Variants in RPS6KA2 observed in about 807,000 individuals in gnomAD.
RPS6KA2 encodes ribosomal protein S6 kinase A2.
Under a neutral mutation model 91.8 loss-of-function variants are expected in RPS6KA2, and 42 were observed. The observed-to-expected ratio is 0.46, with a 90% CI of 0.36 to 0.59. The LOEUF is 0.59. Ranked by LOEUF, RPS6KA2 falls within the 20% of genes least tolerant of loss-of-function variation. The probability of loss-of-function intolerance (pLI) is 0.00; values close to 1 mark genes in which losing one functional copy is unlikely to be tolerated. For missense variants in RPS6KA2, 798 were observed against 978.5 expected, an observed-to-expected ratio of 0.82 and a Z score of 2.46; for synonymous variants, 414 against 393.6, an observed-to-expected ratio of 1.05 and a Z score of -0.61.
At chr6:166,670,659 A>G (rs540954832) in intron 2 of RPS6KA2, among the ~76,000 whole-genome samples, 1 of 152,286 alleles carries the variant, frequency 6.6e-6, no homozygotes, top group Non-Finnish European at 1.5e-5. Context: ...TTTGCATAAC[A>G]TTCAAGAATA....
At chr6:166,818,945 C>G (rs564443674) in intron 2 of RPS6KA2, among the ~76,000 whole-genome samples, 2 of 151,998 alleles carry the variant, frequency 1.3e-5, no homozygotes, top group Non-Finnish European at 2.9e-5. Flanking sequence ...AAGGATGCTC[C>G]CTGGCTCCCT....
intron 1 of RPS6KA2, among the ~76,000 whole-genome samples, chr6:166,547,778 C>G (rs1239340801): frequency 1.3e-5 from 2 of 152,218 alleles, no homozygotes; most frequent in Non-Finnish European, 2.9e-5. Flanking sequence ...GTAACTGAGT[C>G]CGTGTTTTAG....
intron 1 of RPS6KA2, among the ~76,000 whole-genome samples, chr6:166,617,706 A>C (rs1786466668): frequency 6.6e-6 from 1 of 152,244 alleles, no homozygotes. Flanking sequence ...GCTAATTCCT[A>C]AGATAAAATG....
chr6:166,677,584 T>C (rs1788657183), intron 2 of RPS6KA2, among the ~76,000 whole-genome samples: 1 of 152,190 alleles, frequency 6.6e-6, no homozygotes, highest in South Asian at 2.1e-4. Flanking sequence ...TGGCCTCAAG[T>C]GATCTGCCTG....
intron 2 of RPS6KA2, among the ~76,000 whole-genome samples, chr6:166,667,239 C>T (rs1250725370): frequency 5.3e-5 from 8 of 152,118 alleles, no homozygotes; most frequent in Non-Finnish European, 8.8e-5. Context: ...ATGCTTGAGA[C>T]GGTAAATTTA....
intron 1 of RPS6KA2, among the ~76,000 whole-genome samples, chr6:166,600,837 G>T (rs1397549381): frequency 6.6e-6 from 1 of 152,174 alleles, no homozygotes; most frequent in African/African-American, 2.4e-5. Context: ...TTTTGAAATT[G>T]GTCTTATCAA....
intron 11 of RPS6KA2, among the ~76,000 whole-genome samples, chr6:166,468,541 C>T (rs111906033): frequency 0.028 from 4,319 of 152,044 alleles, 210 homozygotes; most frequent in African/African-American, 0.096. Flanking sequence ...TAATGAAATG[C>T]GTGGAGGCCC....
At chr6:166,862,398 C>T (rs1286702735) in exon 1 of RPS6KA2, 1 of 1,380,854 alleles carries the variant, frequency 7.2e-7, no homozygotes, top group Non-Finnish European at 9.4e-7. Flanking sequence ...TATGGCTGCT[C>T]GGGCGCCGTC....
chr6:166,547,837 A>G (rs1336026751), intron 1 of RPS6KA2, among the ~76,000 whole-genome samples: 1 of 152,272 alleles, frequency 6.6e-6, no homozygotes, highest in Admixed American at 6.5e-5. Context: ...TATGGGGCAG[A>G]CTGGCGGGCC....
intron 10 of RPS6KA2, among the ~76,000 whole-genome samples, chr6:166,471,637 G>T (rs192562480): frequency 6.6e-6 from 1 of 152,246 alleles, no homozygotes; most frequent in South Asian, 2.1e-4. Flanking sequence ...CATAGCACAC[G>T]GACATCTCAG....
At chr6:166,687,567 T>C (rs943288523) in intron 2 of RPS6KA2, among the ~76,000 whole-genome samples, 6 of 152,180 alleles carry the variant, frequency 3.9e-5, no homozygotes, top group Admixed American at 6.5e-5. Flanking sequence ...AATTCAACTA[T>C]TGGGAGCCAG....
chr6:166,456,169 C>T (rs1780099608), intron 12 of RPS6KA2, among the ~76,000 whole-genome samples: 1 of 152,222 alleles, frequency 6.6e-6, no homozygotes, highest in Admixed American at 6.5e-5. Context: ...CCATGCCTCT[C>T]CTCACACAGA....
At position 166,822,005 on chromosome 6, in the gene RPS6KA2, C is replaced by T. The variant is rs901445958; in HGVS notation, c.123+36195G>A. ...AAGTCTGACAGCCCCAAGCCCAGCACGCACCCAGATCCTGGCCCTCCACCT... is the reference window on the plus strand; with the variant it reads ...AAGTCTGACAGCCCCAAGCCCAGCATGCACCCAGATCCTGGCCCTCCACCT... On this transcript the variant is annotated intron_variant, in intron 2 of 21. Coordinates refer to the RPS6KA2 transcript ENST00000503859. Among the ~76,000 whole-genome samples the T allele has an allele frequency of 3.9e-5, 6 of 152,298 alleles. No homozygotes were observed. The East Asian group carries it at 5.8e-4, about 15-fold the overall frequency.
chr6:166,564,649 A>G (rs556769711), intron 1 of RPS6KA2, among the ~76,000 whole-genome samples: 1 of 152,232 alleles, frequency 6.6e-6, no homozygotes, highest in East Asian at 1.9e-4. Flanking sequence ...AAGCTTTTTG[A>G]CTATTTCTGT....
Position 166,538,696 on chromosome 6 carries a change from T to G in RPS6KA2, c.188A>C (p.Lys63Thr). 1.2e-6 allele frequency: 2 copies of G among 1,609,010 alleles called. No homozygotes were observed. Among genetic ancestry groups the G allele is most frequent in the Non-Finnish European group, 1.7e-6 (2 of 1,175,482 alleles). The change falls in exon 2 of 21, where the codon AAG becomes ACG. Residue 63 changes from lysine (K) to threonine (T), a missense_variant. Coordinates refer to ENST00000265678, the MANE Select transcript of RPS6KA2 (RefSeq NM_021135.6). ...KADPSQFELL[K>T]VLGQGSYGKV... Reference sequence around the variant, plus strand: ...TCCATAGGATCCTTGTCCTAAAACCTTCAGCAGCTCAAACTGGGAAGGATC... The same window carrying G: ...TCCATAGGATCCTTGTCCTAAAACCGTCAGCAGCTCAAACTGGGAAGGATC...
intron 11 of RPS6KA2, chr6:166,463,630 C>T (rs1004699): frequency 0.35 from 53,829 of 151,842 alleles, 9,630 homozygotes; most frequent in Admixed American, 0.43. Flanking sequence ...AACAGAAAAA[C>T]GGGAACTGGG....
intron 2 of RPS6KA2, among the ~76,000 whole-genome samples, chr6:166,681,533 C>A (rs1200690024): frequency 2.0e-5 from 3 of 151,910 alleles, no homozygotes; most frequent in Admixed American, 6.5e-5. Flanking sequence ...CAGTGCTGAT[C>A]GGTGGCCCCA....
intron 2 of RPS6KA2, among the ~76,000 whole-genome samples, chr6:166,816,129 A>C (rs4710113): frequency 0.62 from 94,041 of 151,978 alleles, 30,724 homozygotes; most frequent in Non-Finnish European, 0.74. Flanking sequence ...CTTTTACAGC[A>C]TTATATAAGC....
At chr6:166,843,601 T>C (rs777707872) in intron 2 of RPS6KA2, among the ~76,000 whole-genome samples, 8 of 152,204 alleles carry the variant, frequency 5.3e-5, no homozygotes, top group Non-Finnish European at 1.0e-4. Flanking sequence ...CAGGACTCTT[T>C]GCAGACGTTC....
Sources: allele counts gnomAD v4.1 joint callset (sites outside exome capture counted in the v4.1 genomes callset), GRCh38; gene constraint gnomAD v4.1.1; transcripts MANE v1.5; gene names NCBI Gene and HGNC (gene_info 2026-07-23, HGNC 2026-07-21).